Variants in TMC1 observed in about 807,000 individuals in gnomAD.
The protein encoded by TMC1 is transmembrane channel-like protein 1.
TMC1 carries 84 observed loss-of-function variants against 105.8 expected under a neutral mutation model. That is an observed-to-expected ratio of 0.79 (90% confidence interval 0.67 to 0.95). The LOEUF (loss-of-function observed/expected upper bound fraction) is 0.95. TMC1 is among the 40% of genes least tolerant of loss of function. The pLI, the probability that TMC1 is intolerant of heterozygous loss-of-function variation, is 0.00. For synonymous variants in TMC1, 315 were observed against 311.5 expected (o/e 1.01, Z -0.12); for missense variants, 817 against 914.1 (o/e 0.89, Z 1.37).
chr9:72,822,372 TAA>T (rs1316508106), intron 20 of TMC1, among the ~76,000 whole-genome samples: 2 of 152,232 alleles, frequency 1.3e-5, no homozygotes, highest in Non-Finnish European at 2.9e-5. Context: ...ACTAAGTATA[TAA>T]GAGACATTTT....
intron 12 of TMC1, 35 bp from the exon 13 acceptor site, chr9:72,772,375 CACG>C: frequency 5.0e-6 from 8 of 1,613,370 alleles, no homozygotes; most frequent in Middle Eastern, 1.7e-4. Flanking sequence ...AGTTGCTCTT[CACG>C]ACAACTGCTA....
At chr9:72,770,275 C>A (rs919189797) in intron 12 of TMC1, among the ~76,000 whole-genome samples, 2 of 149,498 alleles carry the variant, frequency 1.3e-5, no homozygotes, top group African/African-American at 4.9e-5. Context: ...TACACACATA[C>A]ACACATATAC....
chr9:72,638,502 G>A (rs1022622751), intron 4 of TMC1, among the ~76,000 whole-genome samples: 16 of 152,254 alleles, frequency 1.1e-4, no homozygotes, highest in African/African-American at 3.4e-4. Context: ...TCACCGAACT[G>A]CAGCAGCCCC....
chr9:72,740,189 T>C lies in TMC1; in HGVS notation c.433T>C (p.Phe145Leu). ...GKGKGKRWFAFKMMMAKKWAK... is the reference protein window; with the variant it reads ...GKGKGKRWFALKMMMAKKWAK... The stretch of plus-strand genomic sequence containing the variant: ...AGGAAAAGGAAAACGGTGGTTTGCA[T>C]TTAAGATGATGATGGCCAAGGTAGG... The change falls in exon 9 of 24, where the codon TTT (phenylalanine) becomes CTT (leucine). Residue 145 changes from phenylalanine (F) to leucine (L), a missense_variant. Phe to Leu is a conservative substitution (Grantham distance 22, BLOSUM62 0). Coordinates refer to ENST00000297784, the MANE Select transcript of TMC1 (RefSeq NM_138691.3). 6.2e-7 allele frequency: 1 copy of C among 1,613,660 alleles called. No homozygotes were observed. The highest frequency in any genetic ancestry group is 8.5e-7 in the Non-Finnish European group (1 of 1,179,686).
At chr9:72,547,020 C>G (rs955494649) in intron 1 of TMC1, among the ~76,000 whole-genome samples, 3 of 152,190 alleles carry the variant, frequency 2.0e-5, no homozygotes, top group African/African-American at 7.2e-5. Context: ...GGCGCGATGG[C>G]TCATGCCCGT....
chr9:72,538,338 G>A (rs1473028496), intron 1 of TMC1, among the ~76,000 whole-genome samples: 1 of 152,094 alleles, frequency 6.6e-6, no homozygotes, highest in Admixed American at 6.6e-5. Context: ...CTCCACAAGA[G>A]ACAACATTGC....
At chr9:72,803,214 C>A (rs1463919828) in intron 17 of TMC1, among the ~76,000 whole-genome samples, 1 of 152,144 alleles carries the variant, frequency 6.6e-6, no homozygotes, top group African/African-American at 2.4e-5. Context: ...GTCTATACAC[C>A]TTATACAAAA....
intron 2 of TMC1, among the ~76,000 whole-genome samples, chr9:72,607,024 G>GAGAGAGAGAA (rs1824932328): frequency 6.6e-6 from 1 of 151,578 alleles, no homozygotes; most frequent in Non-Finnish European, 1.5e-5. Context: ...GAGAGAGAGA[G>GAGAGAGAGAA]AGAAAGAGAA....
At chr9:72,769,235 T>G (rs1564542313) in intron 12 of TMC1, among the ~76,000 whole-genome samples, 1 of 152,192 alleles carries the variant, frequency 6.6e-6, no homozygotes, top group African/African-American at 2.4e-5. Flanking sequence ...TAGCAGCTAT[T>G]GAATTTTTGT....
rs148443938 is a variant in TMC1, at chr9:72,788,390, T to G, written c.936T>G (p.Asn312Lys). Residue 312 changes from asparagine (N) to lysine (K), a missense_variant, in exon 14 of 24, where the codon AAT (asparagine) becomes AAG (lysine). Physicochemically the swap from Asn to Lys is moderately conservative, Grantham distance 94. Coordinates refer to ENST00000297784, the MANE Select transcript of TMC1 (RefSeq NM_138691.3). ...DDGGGDDNTF[N>K]FSWKVFTSWD... ...GAGGTGGAGATGACAACACTTTCAA[T>G]TTCAGCTGGAAGGTCTTTACCAGCT... is the stretch of plus-strand genomic sequence containing the variant. 1.1e-5 allele frequency: 17 copies of G among 1,613,914 alleles called. No homozygotes were observed. Among genetic ancestry groups the G allele is most frequent in the African/African-American group, 1.3e-5 (1 of 74,900 alleles).
intron 1 of TMC1, among the ~76,000 whole-genome samples, chr9:72,567,461 G>T (rs1030688787): frequency 3.9e-5 from 6 of 152,196 alleles, no homozygotes; most frequent in African/African-American, 9.7e-5. Context: ...AATTTATAAA[G>T]AAAAGAGGTT....
chr9:72,746,120 A>T (rs1381587081), intron 10 of TMC1, among the ~76,000 whole-genome samples: 1 of 152,218 alleles, frequency 6.6e-6, no homozygotes, highest in African/African-American at 2.4e-5. Flanking sequence ...CTACTTATAG[A>T]ATACATATTT....
chr9:72,672,885 C>CA (rs1554719832), intron 5 of TMC1, among the ~76,000 whole-genome samples: 42 of 150,554 alleles, frequency 2.8e-4, no homozygotes, highest in Non-Finnish European at 1.3e-4. Context: ...TATGCACACA[C>CA]ACACATCAGC....
At chr9:72,636,890 G>A (rs1394157501) in intron 4 of TMC1, among the ~76,000 whole-genome samples, 1 of 152,076 alleles carries the variant, frequency 6.6e-6, no homozygotes, top group Non-Finnish European at 1.5e-5. Flanking sequence ...TAGAGGCTTA[G>A]ATGCTATTGG....
At chr9:72,815,390 T>G (rs757343405) in intron 18 of TMC1, among the ~76,000 whole-genome samples, 1 of 152,294 alleles carries the variant, frequency 6.6e-6, no homozygotes, top group Admixed American at 6.5e-5. Context: ...CTTCTTAAGC[T>G]TTTTTTATAT....
chr9:72,826,872 CA>C lies in TMC1; in HGVS notation c.2012del (p.Asn671IlefsTer23). 1 of 1,613,908 alleles carries C rather than the reference CA, an allele frequency of 6.2e-7. No homozygotes were observed. Among genetic ancestry groups the C allele is most frequent in the Non-Finnish European group, 8.5e-7 (1 of 1,179,848 alleles). On this transcript the variant is annotated frameshift_variant, in exon 21 of 24. Transcript: ENST00000297784. LOFTEE classifies it high-confidence loss of function. ...PSFDCGPFSG[K>X]NRMFEVIGET... ...TCCCCCTTTTTAATTCCCCCAGTGG[CA>C]AAAATAGAATGTTTGAAGTCATTGG...
intron 8 of TMC1, among the ~76,000 whole-genome samples, chr9:72,732,843 C>A (rs1359189110): frequency 6.6e-6 from 1 of 152,158 alleles, no homozygotes; most frequent in Non-Finnish European, 1.5e-5. Context: ...ATGGTTCCCA[C>A]CTTTCAAGAT....
At chr9:72,785,507 T>C (rs1051814450) in intron 13 of TMC1, among the ~76,000 whole-genome samples, 1 of 152,246 alleles carries the variant, frequency 6.6e-6, no homozygotes, top group Admixed American at 6.5e-5. Context: ...GGAAGCACTT[T>C]AAGTCTTATC....
At chr9:72,592,830 A>T (rs534861204) in intron 2 of TMC1, among the ~76,000 whole-genome samples, 1 of 152,312 alleles carries the variant, frequency 6.6e-6, no homozygotes, top group Admixed American at 6.5e-5. Context: ...ATGAGTTCTC[A>T]GGAAGAGGGA....
Sources: gnomAD v4.1 joint callset for allele counts (sites outside exome capture counted in the v4.1 genomes callset) on GRCh38, gnomAD v4.1.1 for gene constraint, MANE v1.5 for transcripts, NCBI Gene and HGNC (gene_info 2026-07-23, HGNC 2026-07-21) for gene names.